The following PRDM4 variants were observed in gnomAD, a reference collection of about 807,000 sequenced individuals.
PRDM4 encodes the protein PR domain zinc finger protein 4.
Under a neutral mutation model 62.3 loss-of-function variants are expected in PRDM4, and 38 were observed. The observed-to-expected ratio is 0.61, with a 90% confidence interval of 0.47 to 0.80. The LOEUF (loss-of-function observed/expected upper bound fraction) is 0.80. Ranked by LOEUF, PRDM4 falls within the 30% of genes least tolerant of loss-of-function variation. PRDM4 has a pLI of 0.00. For missense variants in PRDM4, 858 were observed against 997.1 expected, an observed-to-expected ratio of 0.86 and a Z score of 1.88; for synonymous variants, 339 against 348.2, an observed-to-expected ratio of 0.97 and a Z score of 0.30.
intron 6 of PRDM4, 48 bp downstream of exon 6, chr12:107,746,227 C>CA: frequency 1.3e-6 from 2 of 1,596,390 alleles, no homozygotes; most frequent in Non-Finnish European, 1.7e-6. Context: ...CTCTACGCTA[C>CA]AAAGGAAGAA....
intron 6 of PRDM4, 121 bp downstream of exon 6, chr12:107,746,154 C>G: frequency 8.2e-7 from 1 of 1,221,406 alleles, no homozygotes; most frequent in Non-Finnish European, 1.2e-6. Flanking sequence ...AAGCATAAAT[C>G]TTAAGCCATA....
At chr12:107,757,880 T>C (rs1484102715) in intron 2 of PRDM4, among the ~76,000 whole-genome samples, 1 of 152,064 alleles carries the variant, frequency 6.6e-6, no homozygotes, top group African/African-American at 2.4e-5. Flanking sequence ...GCACTGAAGG[T>C]TGTTATCAAA....
intron 5 of PRDM4, among the ~76,000 whole-genome samples, chr12:107,747,288 G>C (rs1354602852): frequency 6.6e-6 from 1 of 151,618 alleles, no homozygotes; most frequent in Non-Finnish European, 1.5e-5. Flanking sequence ...AATGCTGTTA[G>C]TTATGCAGAG....
chr12:107,746,502 T>G (rs1040062029), intron 5 of PRDM4, 78 bp from the exon 6 acceptor site: 1 of 1,347,718 alleles, frequency 7.4e-7, no homozygotes, highest in East Asian at 2.5e-5. Flanking sequence ...TTTTTTTTTT[T>G]TGAGACAAAG....
At chr12:107,736,842 A>G (rs964944444) in intron 11 of PRDM4, 1 of 152,056 alleles carries the variant, frequency 6.6e-6, no homozygotes, top group Non-Finnish European at 1.5e-5. Context: ...AGGAAGGAAA[A>G]ACTGAGTTGA....
In PRDM4 at chr12:107,742,317, G is replaced by A. The variant is rs1440437364; in HGVS notation, c.1513C>T (p.Pro505Ser). ...NREEQNLVAY[P>S]HDGKIFFCTS... is the part of the protein sequence containing the mutation. The stretch of plus-strand genomic sequence containing the variant: ...CAGAAAAAGATTTTTCCATCATGAG[G>A]ATAAGCCACCAAATTCTGCTCTTCC... The change falls in exon 9 of 12, where the codon CCT becomes TCT. Residue 505 changes from proline (P) to serine (S), a missense_variant. Transcript: ENST00000228437. 6.2e-7 allele frequency: 1 copy of A among 1,613,568 alleles called. No homozygotes were observed. The highest frequency in any genetic ancestry group is 8.5e-7 in the Non-Finnish European group (1 of 1,179,774).
Position 107,741,265 on chromosome 12 carries a change from T to TA in PRDM4, c.1610-6dup, listed in dbSNP as rs756049008. ...CATCTGGGTGTTCAGGAACACCTTT[T>TA]AAAAAAAAATTACTCATTATCTCCC... On this transcript the variant is annotated splice_region_variant and splice_polypyrimidine_tract_variant and intron_variant, in intron 9 of 11. Coordinates refer to ENST00000228437, the MANE Select transcript of PRDM4 (RefSeq NM_012406.4). 4.9e-5 allele frequency: 77 copies of TA among 1,585,808 alleles called. 1 individual carries two copies. The South Asian group carries it at 5.0e-4, about 10-fold the overall frequency.
chr12:107,754,206 A>G lies in PRDM4; in HGVS notation c.146-97T>C. 8.9e-6 allele frequency: 8 copies of G among 902,510 alleles called. No homozygotes were observed. In the South Asian group the frequency reaches 1.6e-4, roughly 18 times the overall value. 55.9% of individuals were successfully genotyped at this position (902,510 alleles called of 1,614,324 possible). On this transcript the variant is annotated intron_variant, in intron 3 of 11. Transcript: ENST00000228437. The stretch of plus-strand genomic sequence containing the variant: ...TAAACTCTTAGAAAGGTTTTTACAC[A>G]TGGGCAAAAATCTCACCTACTAGCC...
rs959265003 is a variant in PRDM4 at position 107,737,474 on chromosome 12, A to G, written c.2093+1909T>C. Among the ~76,000 whole-genome samples, 8 of 152,198 alleles carry G rather than the reference A, an allele frequency of 5.3e-5. No individual in the cohort carries two copies. The South Asian group carries it at 6.2e-4, about 12-fold the overall frequency. ...TGAAAGTTTGGCAAAGAGGCTTACC[A>G]TATCTTCTCACCCTGAAAAGGAGTC... On this transcript the variant is annotated intron_variant, in intron 11 of 11. Coordinates refer to ENST00000228437, the MANE Select transcript of PRDM4 (RefSeq NM_012406.4).
At chr12:107,738,915 C>T (rs963499198) in intron 11 of PRDM4, among the ~76,000 whole-genome samples, 2 of 145,338 alleles carry the variant, frequency 1.4e-5, no homozygotes, top group African/African-American at 5.3e-5. Context: ...ACACACACAC[C>T]AACAGAACAG....
Position 107,743,258 on chromosome 12 carries a change from A to C in PRDM4, c.1420T>G (p.Phe474Val). The C allele has an allele frequency of 2.9e-5, 47 of 1,613,056 alleles. No homozygotes were observed. Among genetic ancestry groups the C allele is most frequent in the Non-Finnish European group, 3.8e-5 (45 of 1,179,088 alleles). Reference sequence around the variant, plus strand: ...TTTTCATCAGTTGTAATGATGCAGAATTCTAGGACACCATTGTGGTATATC... The same window carrying C: ...TTTTCATCAGTTGTAATGATGCAGACTTCTAGGACACCATTGTGGTATATC... Reference protein sequence around the residue: ...WKIYHNGVLEFCIITTDENEC... With the variant: ...WKIYHNGVLEVCIITTDENEC... Residue 474 changes from phenylalanine (F) to valine (V), a missense_variant, in exon 8 of 12, where the codon TTC becomes GTC. Transcript: ENST00000228437.
intron 11 of PRDM4, among the ~76,000 whole-genome samples, chr12:107,735,096 G>A (rs1238981856): frequency 2.6e-5 from 4 of 152,078 alleles, no homozygotes; most frequent in African/African-American, 9.7e-5. Flanking sequence ...GAACTCCTGG[G>A]CTCAAGTGAT....
At chr12:107,743,871 T>C (rs1390270711) in intron 7 of PRDM4, among the ~76,000 whole-genome samples, 1 of 152,126 alleles carries the variant, frequency 6.6e-6, no homozygotes, top group Non-Finnish European at 1.5e-5. Flanking sequence ...TCCCGGCACT[T>C]TGGGAGGCTG....
At chr12:107,739,121 C>T in intron 11 of PRDM4, 2 of 365,480 alleles carry the variant, frequency 5.5e-6, no homozygotes, top group Non-Finnish European at 5.0e-6. Context: ...TCCTTTTTGT[C>T]TCTAGGTTTT....
chr12:107,740,814 TCA>T, intron 10 of PRDM4, 130 bp downstream of exon 10: 1 of 914,206 alleles, frequency 1.1e-6, no homozygotes, highest in South Asian at 1.8e-5. Context: ...CCAAGGAATC[TCA>T]GTTAAACCAC....
chr12:107,744,444 G>C, intron 7 of PRDM4, 99 bp downstream of exon 7: 2 of 1,342,104 alleles, frequency 1.5e-6, no homozygotes, highest in Non-Finnish European at 2.1e-6. Flanking sequence ...GAATGGCACT[G>C]TATCAGTTCT....
At chr12:107,758,750 C>T (rs921730732) in intron 2 of PRDM4, among the ~76,000 whole-genome samples, 6 of 152,148 alleles carry the variant, frequency 3.9e-5, no homozygotes, top group African/African-American at 1.4e-4. Context: ...TTAGGTTTCA[C>T]CCTTATCCCT....
chr12:107,754,098 C>T lies in PRDM4; in HGVS notation c.157G>A (p.Ala53Thr). ...SAIPAPGLPV[A>T]IPNLGPSLSS... ...AGGGAGGGACCCAGGTTTGGAATTG[C>T]CACTGGGAGGCCTACAAAACAAAAT... The change falls in exon 4 of 12, where the codon GCA becomes ACA. Residue 53 changes from alanine to threonine, a missense_variant. Coordinates refer to ENST00000228437, the MANE Select transcript of PRDM4 (RefSeq NM_012406.4). The T allele has an allele frequency of 6.3e-7, 1 of 1,591,950 alleles. No homozygotes were observed. The highest frequency in any genetic ancestry group is 8.5e-7 in the Non-Finnish European group (1 of 1,170,936).
chr12:107,750,527 G>C (rs1803894921), intron 5 of PRDM4, among the ~76,000 whole-genome samples: 1 of 152,144 alleles, frequency 6.6e-6, no homozygotes, highest in East Asian at 1.9e-4. Flanking sequence ...CTGGGCGACA[G>C]AGAAACCCTA....
Sources: allele counts gnomAD v4.1 joint callset (sites outside exome capture counted in the v4.1 genomes callset), GRCh38; gene constraint gnomAD v4.1.1; transcripts MANE v1.5; gene names NCBI Gene and HGNC (gene_info 2026-07-23, HGNC 2026-07-21).